Variants in PRDM2 observed in about 807,000 individuals in gnomAD.
PRDM2 encodes the protein PR domain zinc finger protein 2.
Under a neutral mutation model 130.0 loss-of-function variants are expected in PRDM2, and 30 were observed. The observed-to-expected ratio is 0.23, with a 90% CI of 0.17 to 0.31. The LOEUF is 0.31. Among genes scored for constraint, PRDM2 ranks in the 10% least tolerant of loss-of-function variants. The pLI, the probability that PRDM2 is intolerant of heterozygous loss-of-function variation, is 1.00. For synonymous variants in PRDM2, 871 were observed against 782.4 expected (o/e 1.11, Z -1.89); for missense variants, 2,011 against 2,108.4 (o/e 0.95, Z 0.90).
chr1:13,823,194 G>GACTGGAAGTCTGCCCTGC lies in PRDM2; in HGVS notation c.*64_*65insAAGTCTGCCCTGCACTGG, dbSNP rs1553166638. The stretch of plus-strand genomic sequence containing the variant: ...GACCTGGAATCAGTGAAGCCAAAGG[G>GACTGGAAGTCTGCCCTGC]ACTGGCAGTCTGCCCTGCAGGGAGT... On this transcript the variant is annotated 3_prime_UTR_variant, in exon 10 of 10. Coordinates refer to ENST00000311066, the MANE Select transcript of PRDM2 (RefSeq NM_001393986.1). 6.2e-7 allele frequency: 1 copy of GACTGGAAGTCTGCCCTGC among 1,613,328 alleles called. No homozygotes were observed. Among genetic ancestry groups the GACTGGAAGTCTGCCCTGC allele is most frequent in the African/African-American group, 1.3e-5 (1 of 74,922 alleles).
chr1:13,746,179 A>T (rs1643598442), intron 5 of PRDM2, among the ~76,000 whole-genome samples: 1 of 152,042 alleles, frequency 6.6e-6, no homozygotes, highest in African/African-American at 2.4e-5. Flanking sequence ...AAGAGTTTAA[A>T]ATCTTTGTTG....
intron 5 of PRDM2, among the ~76,000 whole-genome samples, chr1:13,747,009 A>AT (rs2100525308): frequency 6.6e-6 from 1 of 152,386 alleles, no homozygotes; most frequent in East Asian, 1.9e-4. Context: ...TTAGGACATG[A>AT]GTGCCCTCCC....
At chr1:13,816,244 A>G (rs1645255268) in intron 8 of PRDM2, among the ~76,000 whole-genome samples, 183 bp from the exon 9 acceptor site, 1 of 152,078 alleles carries the variant, frequency 6.6e-6, no homozygotes, top group African/African-American at 2.4e-5. Context: ...AGAAGTGCAC[A>G]TTGGTGGTTA....
intron 6 of PRDM2, among the ~76,000 whole-genome samples, chr1:13,756,123 C>G (rs1417434953): frequency 1.3e-5 from 2 of 150,866 alleles, no homozygotes; most frequent in Non-Finnish European, 3.0e-5. Flanking sequence ...ATTAGCTGGG[C>G]GTGGTGGCGG....
intron 8 of PRDM2, among the ~76,000 whole-genome samples, chr1:13,794,667 G>A (rs1401341097): frequency 5.3e-5 from 8 of 152,198 alleles, no homozygotes; most frequent in Admixed American, 5.2e-4. Flanking sequence ...CACAGATGCT[G>A]TTCACCCCAG....
At chr1:13,738,444 C>A (rs1443864831) in intron 4 of PRDM2, among the ~76,000 whole-genome samples, 1 of 152,150 alleles carries the variant, frequency 6.6e-6, no homozygotes, top group African/African-American at 2.4e-5. Context: ...GTGAACCAGT[C>A]AACATTTGTT....
chr1:13,763,705 T>G (rs1414947443), intron 6 of PRDM2, among the ~76,000 whole-genome samples: 1 of 152,252 alleles, frequency 6.6e-6, no homozygotes, highest in Non-Finnish European at 1.5e-5. Flanking sequence ...TTTTTACTTT[T>G]GTTGGCGTCT....
intron 8 of PRDM2, among the ~76,000 whole-genome samples, chr1:13,808,501 G>A (rs1012674763): frequency 6.7e-6 from 1 of 148,720 alleles, no homozygotes; most frequent in Non-Finnish European, 1.5e-5. Flanking sequence ...TGCTGAACTT[G>A]TTCAACCCTT....
At chr1:13,734,820 T>G (rs548490132) in intron 4 of PRDM2, among the ~76,000 whole-genome samples, 1 of 152,312 alleles carries the variant, frequency 6.6e-6, no homozygotes, top group South Asian at 2.1e-4. Flanking sequence ...CTGTAAGCCT[T>G]TTGCTCTGTT....
intron 8 of PRDM2, among the ~76,000 whole-genome samples, chr1:13,812,854 A>T (rs1025745331): frequency 6.6e-6 from 1 of 152,186 alleles, no homozygotes; most frequent in African/African-American, 2.4e-5. Flanking sequence ...AATCCTGGTC[A>T]CCAAAATGCT....
At chr1:13,750,020 G>A (rs1643769619) in intron 6 of PRDM2, among the ~76,000 whole-genome samples, 1 of 152,228 alleles carries the variant, frequency 6.6e-6, no homozygotes, top group South Asian at 2.1e-4. Context: ...AGGCGGCGGG[G>A]AGGGCAGGGA....
chr1:13,762,216 T>C (rs2100589127), intron 6 of PRDM2, among the ~76,000 whole-genome samples: 1 of 152,382 alleles, frequency 6.6e-6, no homozygotes, highest in Non-Finnish European at 1.5e-5. Context: ...ATATCAGAGC[T>C]GGTTCCCATC....
At chr1:13,758,951 A>G (rs537004104) in intron 6 of PRDM2, among the ~76,000 whole-genome samples, 1 of 152,344 alleles carries the variant, frequency 6.6e-6, no homozygotes, top group East Asian at 1.9e-4. Flanking sequence ...TTATAAGATA[A>G]GAATATAACA....
intron 6 of PRDM2, among the ~76,000 whole-genome samples, chr1:13,761,877 AACTT>A (rs1414822268): frequency 1.3e-5 from 2 of 152,176 alleles, no homozygotes; most frequent in African/African-American, 4.8e-5. Context: ...AATTCTCTCT[AACTT>A]CTGTCTTCAT....
intron 6 of PRDM2, chr1:13,768,930 A>G (rs1425531437): frequency 6.3e-6 from 1 of 158,092 alleles, no homozygotes; most frequent in Non-Finnish European, 1.4e-5. Context: ...ACAGTTAAAC[A>G]TTATTTTTGG....
chr1:13,796,614 C>T (rs186116380), intron 8 of PRDM2, among the ~76,000 whole-genome samples: 1 of 152,224 alleles, frequency 6.6e-6, no homozygotes, highest in Admixed American at 6.5e-5. Flanking sequence ...AAGCCAGGTA[C>T]AGTGGCACAC....
intron 8 of PRDM2, among the ~76,000 whole-genome samples, chr1:13,790,812 G>T (rs1033021839): frequency 1.3e-5 from 2 of 152,112 alleles, no homozygotes; most frequent in African/African-American, 4.8e-5. Context: ...ACCTACACAG[G>T]GTCATGTCAC....
intron 1 of PRDM2, among the ~76,000 whole-genome samples, chr1:13,709,837 T>C (rs1642313607): frequency 6.6e-6 from 1 of 152,224 alleles, no homozygotes; most frequent in East Asian, 1.9e-4. Flanking sequence ...CAATGTAGAA[T>C]TTTTTGTAAC....
chr1:13,788,113 G>A (rs1256167386), intron 8 of PRDM2: 1 of 956,970 alleles, frequency 1.0e-6, no homozygotes, highest in East Asian at 1.2e-4. Context: ...ACATAATTGG[G>A]AGCAGTTAGG....
Sources: gnomAD v4.1 joint callset for allele counts (sites outside exome capture counted in the v4.1 genomes callset) on GRCh38, gnomAD v4.1.1 for gene constraint, MANE v1.5 for transcripts, NCBI Gene and HGNC (gene_info 2026-07-23, HGNC 2026-07-21) for gene names.